The following DDX31 variants were observed in gnomAD, a reference collection of about 807,000 sequenced individuals.
The protein encoded by DDX31 is ATP-dependent DNA helicase DDX31.
Under a neutral mutation model 91.3 loss-of-function variants are expected in DDX31, and 70 were observed. That is an observed-to-expected ratio of 0.77 (90% CI 0.63 to 0.94). The LOEUF (loss-of-function observed/expected upper bound fraction) is 0.94, where lower values mean the gene tolerates loss of function less well. Among genes scored for constraint, DDX31 ranks in the 40% least tolerant of loss-of-function variants. The probability of loss-of-function intolerance (pLI) is 0.00; values close to 1 mark genes in which losing one functional copy is unlikely to be tolerated. For synonymous variants in DDX31, 362 were observed against 350.6 expected, an observed-to-expected ratio of 1.03 and a Z score of -0.36; for missense variants, 902 against 925.0, an observed-to-expected ratio of 0.98 and a Z score of 0.32.
intron 19 of DDX31, among the ~76,000 whole-genome samples, chr9:132,604,612 G>A (rs921674563): frequency 2.6e-5 from 4 of 152,194 alleles, no homozygotes; most frequent in South Asian, 2.1e-4. Context: ...TCAAGTTCAC[G>A]GTCACTTCTA....
intron 1 of DDX31, chr9:132,669,586 C>A: frequency 1.3e-6 from 2 of 1,493,550 alleles, no homozygotes; most frequent in Non-Finnish European, 1.8e-6. Flanking sequence ...CGGGAAACAG[C>A]CTCTAATTCC....
At chr9:132,637,104 T>A (rs925830320) in intron 14 of DDX31, among the ~76,000 whole-genome samples, 3 of 152,174 alleles carry the variant, frequency 2.0e-5, no homozygotes, top group Non-Finnish European at 4.4e-5. Context: ...GTGATTTCAA[T>A]GTCTCTGTAC....
At chr9:132,667,557 C>T (rs976656636) in intron 1 of DDX31, among the ~76,000 whole-genome samples, 6 of 151,984 alleles carry the variant, frequency 3.9e-5, no homozygotes, top group African/African-American at 1.2e-4. Context: ...GAGCAGAGAT[C>T]GCGCCACTGC....
At chr9:132,648,359 T>C in intron 10 of DDX31, 64 bp from the exon 11 acceptor site, 1 of 1,605,402 alleles carries the variant, frequency 6.2e-7, no homozygotes, top group Non-Finnish European at 8.5e-7. Flanking sequence ...TCTAAGGGGC[T>C]ACAGAAGTTG....
intron 17 of DDX31, among the ~76,000 whole-genome samples, chr9:132,622,233 G>A (rs1440644435): frequency 6.6e-6 from 1 of 152,170 alleles, no homozygotes; most frequent in African/African-American, 2.4e-5. Context: ...AGATTGCAGA[G>A]CTAACAGCTG....
intron 6 of DDX31, among the ~76,000 whole-genome samples, chr9:132,653,249 T>C (rs555238278): frequency 6.6e-6 from 1 of 151,882 alleles, no homozygotes; most frequent in African/African-American, 2.4e-5. Flanking sequence ...ATCCCAGCAC[T>C]TTGGGAGGCC....
At chr9:132,635,605 T>C (rs1833061624) in intron 14 of DDX31, among the ~76,000 whole-genome samples, 1 of 151,506 alleles carries the variant, frequency 6.6e-6, no homozygotes, top group African/African-American at 2.4e-5. Context: ...GCCTGGCCTG[T>C]ACATAGCTTT....
At chr9:132,666,575 G>A (rs1044521065) in intron 1 of DDX31, among the ~76,000 whole-genome samples, 4 of 152,114 alleles carry the variant, frequency 2.6e-5, no homozygotes, top group Non-Finnish European at 5.9e-5. Flanking sequence ...CCCAGCTGGA[G>A]TGCAGTGATC....
chr9:132,669,353 T>G (rs770555789), intron 1 of DDX31, among the ~76,000 whole-genome samples: 1 of 150,342 alleles, frequency 6.7e-6, no homozygotes, highest in Non-Finnish European at 1.5e-5. Flanking sequence ...TCACATAATG[T>G]TAGGCCAGAG....
chr9:132,635,672 G>A (rs938471867), intron 14 of DDX31, among the ~76,000 whole-genome samples: 1 of 151,516 alleles, frequency 6.6e-6, no homozygotes, highest in Admixed American at 6.6e-5. Flanking sequence ...CCCGGTGGGC[G>A]CAGTGGCTCA....
chr9:132,611,564 C>G (rs548139186), intron 19 of DDX31, among the ~76,000 whole-genome samples: 6 of 151,838 alleles, frequency 4.0e-5, no homozygotes, highest in Admixed American at 2.0e-4. Context: ...TGAACATGCT[C>G]TTTTTGGGAG....
Position 132,593,383 on chromosome 9 carries a change from C to A in DDX31, c.*1483G>T, listed in dbSNP as rs1234417400. ...GTTTTGTCTATAAAGTTTGATCCCTCCTTTTCTCATCCAAATCATGTGAAC... is the reference window on the plus strand; with the variant it reads ...GTTTTGTCTATAAAGTTTGATCCCTACTTTTCTCATCCAAATCATGTGAAC... On this transcript the variant is annotated 3_prime_UTR_variant, in exon 20 of 20. Transcript: ENST00000372159. 2 of 152,222 alleles carry A rather than the reference C, an allele frequency of 1.3e-5. No homozygotes were observed. Among genetic ancestry groups the A allele is most frequent in the African/African-American group, 4.8e-5 (2 of 41,450 alleles). The allele number at this position is 152,222 out of a possible 1,614,324, so 9.4% of individuals were successfully genotyped here. A position where few individuals can be genotyped will look rare whatever the true frequency, so the allele number is the denominator to read the frequency against.
intron 6 of DDX31, among the ~76,000 whole-genome samples, chr9:132,655,120 T>C (rs1028179547): frequency 6.6e-6 from 1 of 152,132 alleles, no homozygotes; most frequent in Non-Finnish European, 1.5e-5. Flanking sequence ...CTTACAGAAA[T>C]TTCTCCTATA....
chr9:132,657,654 A>C (rs1437308261), intron 6 of DDX31, among the ~76,000 whole-genome samples: 1 of 152,202 alleles, frequency 6.6e-6, no homozygotes, highest in East Asian at 1.9e-4. Context: ...ACTGAGAAAA[A>C]CAGTAATCGA....
At chr9:132,631,948 G>T in intron 15 of DDX31, 93 bp downstream of exon 15, 1 of 1,162,068 alleles carries the variant, frequency 8.6e-7, no homozygotes, top group Non-Finnish European at 1.2e-6. Flanking sequence ...ACACCCAAGA[G>T]GATAATAATA....
intron 6 of DDX31, among the ~76,000 whole-genome samples, chr9:132,655,280 C>G (rs1449326065): frequency 1.3e-5 from 2 of 148,780 alleles, no homozygotes; most frequent in Non-Finnish European, 3.0e-5. Context: ...TACATACATA[C>G]AATGAAATGC....
At chr9:132,627,225 C>T (rs1564299902) in intron 16 of DDX31, among the ~76,000 whole-genome samples, 1 of 152,126 alleles carries the variant, frequency 6.6e-6, no homozygotes, top group Admixed American at 6.5e-5. Flanking sequence ...GCTAAATATG[C>T]CACAGAACAG....
At chr9:132,597,386 A>G (rs1830490564) in intron 19 of DDX31, among the ~76,000 whole-genome samples, 2 of 152,196 alleles carry the variant, frequency 1.3e-5, no homozygotes, top group Admixed American at 1.3e-4. Flanking sequence ...ATTTTTAGTC[A>G]GGTTATGTGA....
Position 132,650,248 on chromosome 9 carries a change from T to C in DDX31, c.726A>G (p.Lys242=). The C allele has an allele frequency of 1.9e-6, 3 of 1,614,082 alleles. No homozygotes were observed. In the South Asian group the frequency reaches 3.3e-5, roughly 18 times the overall value. The change falls in exon 9 of 20, where the codon AAA becomes AAG. Residue 242 remains lysine (K), a synonymous_variant. Coordinates refer to ENST00000372159, the MANE Select transcript of DDX31 (RefSeq NM_022779.9). ...CCTCTTCCTACCTGGCCTTTTCTGA[T>C]TTTCTCTTCTCTCCTCCCATTAACA... The part of the protein sequence containing the change: ...PGVLMGGEKR[K]SEKARLRKGI...
Sources: gnomAD v4.1 joint callset for allele counts (sites outside exome capture counted in the v4.1 genomes callset) on GRCh38, gnomAD v4.1.1 for gene constraint, MANE v1.5 for transcripts, NCBI Gene and HGNC (gene_info 2026-07-23, HGNC 2026-07-21) for gene names.